The following NBPF12 variants were observed in gnomAD, a reference collection of about 807,000 sequenced individuals.
NBPF12 encodes the protein NBPF family member NBPF12.
Under a neutral mutation model 146.4 loss-of-function variants are expected in NBPF12, and 115 were observed. The ratio of observed to expected loss-of-function variants is 0.79; its 90% confidence interval spans 0.68 to 0.92. NBPF12 has a LOEUF of 0.92. Ranked by LOEUF, NBPF12 falls within the 40% of genes least tolerant of loss-of-function variation. The pLI is 0.00. For synonymous variants in NBPF12, 385 were observed against 508.9 expected, an observed-to-expected ratio of 0.76 and a Z score of 3.28; for missense variants, 1,205 against 1,326.8, an observed-to-expected ratio of 0.91 and a Z score of 1.43.
intron 31 of NBPF12, among the ~76,000 whole-genome samples, chr1:146,992,462 C>CTCTCTCTCTCTCTCTGTG (rs1450490306): frequency 4.5e-5 from 3 of 66,274 alleles, no homozygotes; most frequent in African/African-American, 2.2e-4. Flanking sequence ...CTCTCTCTCT[C>CTCTCTCTCTCTCTCTGTG]TGTGTGTGTG....
In NBPF12 at chr1:146,970,585, G is replaced by T. The variant is rs1656536654; in HGVS notation, c.1307-62G>T. On this transcript the variant is annotated intron_variant, in intron 11 of 33. Coordinates refer to ENST00000617844, the Ensembl canonical transcript of NBPF12. ...GATGTTCATGTCTCTGTGCACGTTG[G>T]GCTGACTGTGCTTGCAGAATGTGAA... 21 of 1,560,774 alleles carry T rather than the reference G, an allele frequency of 1.3e-5. No individual in the cohort carries two copies. The East Asian group carries it at 4.3e-4, about 32-fold the overall frequency.
In NBPF12 at chr1:146,994,959, G is replaced by C. The variant is rs587725262; in HGVS notation, c.*384G>C. On this transcript the variant is annotated 3_prime_UTR_variant, in exon 34 of 34. Coordinates refer to ENST00000617844, the Ensembl canonical transcript of NBPF12. ...TAGTTCATCCAAAGGTGTTACCCTGGTTTCAATGAACCTAACCTCATTATT... is the reference window on the plus strand; with the variant it reads ...TAGTTCATCCAAAGGTGTTACCCTGCTTTCAATGAACCTAACCTCATTATT... 5.1e-3 allele frequency: 1,658 copies of C among 322,260 alleles called. 55 individuals carry two copies. Among genetic ancestry groups the C allele is most frequent in the African/African-American group, 0.034 (1,549 of 46,062 alleles). 20.0% of individuals were successfully genotyped at this position (322,260 alleles called of 1,614,324 possible). A position where few individuals can be genotyped will look rare whatever the true frequency, so the allele number is the denominator to read the frequency against.
chr1:146,981,298 T>A (rs1490536954), intron 19 of NBPF12, among the ~76,000 whole-genome samples: 7 of 131,774 alleles, frequency 5.3e-5, no homozygotes, highest in Non-Finnish European at 9.7e-5. Flanking sequence ...AAAAAAAATA[T>A]ATATATATAT....
At chr1:146,994,250 T>C (rs1553889956) in intron 33 of NBPF12, 82 bp from the exon 37 acceptor site, 2 of 1,610,150 alleles carry the variant, frequency 1.2e-6, no homozygotes, top group East Asian at 2.2e-5. Context: ...AACCACTTCC[T>C]TATGTTACTT....
At chr1:146,968,738 G>A (rs1329760758) in intron 10 of NBPF12, among the ~76,000 whole-genome samples, 188 bp downstream of exon 13, 1 of 151,670 alleles carries the variant, frequency 6.6e-6, no homozygotes, top group Non-Finnish European at 1.5e-5. Flanking sequence ...GGTTGCAGTT[G>A]TTTCTCAGAG....
At chr1:146,962,865 A>G (rs1655948096) in intron 5 of NBPF12, among the ~76,000 whole-genome samples, 1 of 151,400 alleles carries the variant, frequency 6.6e-6, no homozygotes, top group African/African-American at 2.4e-5. Context: ...ACAGAAGAGA[A>G]AGATGAATGG....
In NBPF12 at chr1:146,964,337, T is replaced by A; in HGVS notation, c.494-20T>A. 6.2e-7 allele frequency: 1 copy of A among 1,601,986 alleles called. No individual in the cohort carries two copies. The highest frequency in any genetic ancestry group is 8.5e-7 in the Non-Finnish European group (1 of 1,171,220). ...GAATGTGAAGTGGGACATATCTGAA[T>A]GAACATTTTGTATTTATAGAAAATG... On this transcript the variant is annotated intron_variant, in intron 6 of 33. Transcript: ENST00000617844.
intron 31 of NBPF12, among the ~76,000 whole-genome samples, chr1:146,992,474 G>GTTTGTGTGTT (rs1570902936): frequency 1.0e-4 from 10 of 99,400 alleles, no homozygotes; most frequent in South Asian, 9.5e-4. Flanking sequence ...GTGTGTGTGT[G>GTTTGTGTGTT]TGTGTGTGTG....
chr1:146,972,606 G>C, intron 13 of NBPF12, 145 bp from the exon 17 acceptor site: 1 of 786,106 alleles, frequency 1.3e-6, no homozygotes, highest in South Asian at 1.4e-5. Context: ...AGGAGATCAA[G>C]ACTGGAGATG....
At chr1:146,955,224 A>G (rs1179540213) in intron 2 of NBPF12, among the ~76,000 whole-genome samples, 4,527 of 52,108 alleles carry the variant, frequency 0.087, 186 homozygotes, top group East Asian at 0.2. Flanking sequence ...GGCTAAAATT[A>G]AAAAGGCTGA....
At chr1:146,959,912 C>A (rs1655755364) in exon 3 of NBPF12, 1 of 240,336 alleles carries the variant, frequency 4.2e-6, no homozygotes, top group South Asian at 2.6e-5. Flanking sequence ...AGAGTCTGAG[C>A]AGTGCTTTCA....
chr1:146,985,550 A>G (rs1365845350), intron 22 of NBPF12, among the ~76,000 whole-genome samples, 155 bp from the exon 26 acceptor site: 3 of 152,272 alleles, frequency 2.0e-5, no homozygotes, highest in Non-Finnish European at 2.9e-5. Flanking sequence ...AATCTCTATC[A>G]TGATCAGCCT....
chr1:146,981,684 G>A (rs1305843298), intron 19 of NBPF12, among the ~76,000 whole-genome samples: 2 of 151,812 alleles, frequency 1.3e-5, no homozygotes, highest in African/African-American at 2.4e-5. Flanking sequence ...ATCACTTTCA[G>A]TACACCAATC....
At chr1:146,981,277 T>A (rs1378975561) in intron 19 of NBPF12, among the ~76,000 whole-genome samples, 5 of 101,284 alleles carry the variant, frequency 4.9e-5, no homozygotes, top group African/African-American at 8.0e-5. Context: ...CTTAAAGTAT[T>A]AAAAAAAAAA....
intron 19 of NBPF12, among the ~76,000 whole-genome samples, chr1:146,980,389 G>C (rs1225165086): frequency 6.6e-6 from 1 of 152,040 alleles, no homozygotes; most frequent in African/African-American, 2.4e-5. Context: ...CCCGTTAGTT[G>C]ATGCAGTTTC....
intron 24 of NBPF12, among the ~76,000 whole-genome samples, chr1:146,986,982 CTGTT>C: frequency 7.7e-6 from 1 of 129,154 alleles, no homozygotes; most frequent in Non-Finnish European, 1.6e-5. Flanking sequence ...TAAGGCATAA[CTGTT>C]TGCACAAACT....
intron 1 of NBPF12, among the ~76,000 whole-genome samples, chr1:146,950,107 AC>A (rs1655264752): frequency 6.6e-6 from 1 of 152,070 alleles, no homozygotes; most frequent in Non-Finnish European, 1.5e-5. Flanking sequence ...AATTCCATCT[AC>A]CACAGTAGGA....
At chr1:146,964,291 G>A (rs1553885228) in intron 6 of NBPF12, 66 bp from the exon 10 acceptor site, 30 of 1,590,808 alleles carry the variant, frequency 1.9e-5, no homozygotes, top group African/African-American at 8.1e-5. Flanking sequence ...CTCTGTGCAC[G>A]TTGGGCTGAC....
chr1:146,948,483 T>A (rs1365644749), upstream of NBPF12, among the ~76,000 whole-genome samples: 36 of 151,814 alleles, frequency 2.4e-4, no homozygotes, highest in African/African-American at 8.3e-4. Flanking sequence ...CTGTGTCAAC[T>A]CAGGGTTAAA....
Sources: allele counts gnomAD v4.1 joint callset (sites outside exome capture counted in the v4.1 genomes callset), GRCh38; gene constraint gnomAD v4.1.1; transcripts MANE v1.5; gene names NCBI Gene and HGNC (gene_info 2026-07-23, HGNC 2026-07-21).